Variants in PCDHGB1 observed in about 807,000 individuals in gnomAD.
PCDHGB1 encodes protocadherin gamma-B1.
PCDHGB1 carries 34 observed loss-of-function variants against 56.6 expected under a neutral mutation model. That is an observed-to-expected ratio of 0.60 (90% CI 0.46 to 0.80). The LOEUF (loss-of-function observed/expected upper bound fraction) is 0.80, where lower values mean the gene tolerates loss of function less well. PCDHGB1 is among the 30% of genes least tolerant of loss of function. PCDHGB1 has a pLI of 0.00. For missense variants in PCDHGB1, 1,278 were observed against 1,204.6 expected, an observed-to-expected ratio of 1.06 and a Z score of -0.90; for synonymous variants, 561 against 505.9, an observed-to-expected ratio of 1.11 and a Z score of -1.46.
chr5:141,417,525 C>G (rs1435259680), intron 1 of PCDHGB1: 1 of 272,692 alleles, frequency 3.7e-6, no homozygotes, highest in African/African-American at 2.2e-5. Flanking sequence ...GCTGTCAACT[C>G]GTAGTTTAAA....
rs1426255577 is a variant in PCDHGB1, at chr5:141,512,797, TG to T, written c.*1625del. 6.6e-6 allele frequency: 1 copy of T among 152,300 alleles called. No homozygotes were observed. Among genetic ancestry groups the T allele is most frequent in the African/African-American group, 2.4e-5 (1 of 41,444 alleles). The allele number at this position is 152,300 out of a possible 1,614,324, so 9.4% of individuals were successfully genotyped here. On this transcript the variant is annotated 3_prime_UTR_variant, in exon 4 of 4. Transcript: ENST00000523390. ...GCGGCCCGTGTTGTGTTTTGTGCTGTGTCCACGCGCTAAGGCGACCCCCTCC... is the reference window on the plus strand; with the variant it reads ...GCGGCCCGTGTTGTGTTTTGTGCTGTTCCACGCGCTAAGGCGACCCCCTCC...
At chr5:141,384,407 C>G (rs1198473919) in intron 1 of PCDHGB1, 1 of 1,613,956 alleles carries the variant, frequency 6.2e-7, no homozygotes, top group South Asian at 1.1e-5. Context: ...CCAGTGTCCT[C>G]CTATGTCTCC....
Position 141,465,218 on chromosome 5 carries a change from A to G in PCDHGB1, c.2410-29589A>G, listed in dbSNP as rs151158068. ...ATAAAAATATAAGCTTTATTTTTCA[A>G]CATGAGCTCCATCAAGTTCAAGGCA... On this transcript the variant is annotated intron_variant, in intron 1 of 3. Coordinates refer to ENST00000523390, the MANE Select transcript of PCDHGB1 (RefSeq NM_018922.3). Among the ~76,000 whole-genome samples, 591 of 152,288 alleles carry G rather than the reference A, an allele frequency of 3.9e-3. 6 individuals carry two copies. The highest frequency in any genetic ancestry group is 0.011 in the Admixed American group (171 of 15,290).
At chr5:141,424,245 A>T (rs1196753393) in intron 1 of PCDHGB1, 3 of 155,310 alleles carry the variant, frequency 1.9e-5, no homozygotes, top group African/African-American at 7.2e-5. Context: ...GGTGGCTGGT[A>T]ATATGCTTAG....
At chr5:141,408,396 A>G (rs764101918) in intron 1 of PCDHGB1, 18 of 1,614,020 alleles carry the variant, frequency 1.1e-5, no homozygotes, top group South Asian at 5.5e-5. Flanking sequence ...TCGGCTCGCA[A>G]GCTGCGAGTG....
rs551289441 is a variant in PCDHGB1, at chr5:141,444,102, C to T, written c.2410-50705C>T. ...TGAAAAGTCTGCTAAGGATTGGAAACCAAGAAAAGTGAAGTATCTCAACAG... is the reference window on the plus strand; with the variant it reads ...TGAAAAGTCTGCTAAGGATTGGAAATCAAGAAAAGTGAAGTATCTCAACAG... On this transcript the variant is annotated intron_variant, in intron 1 of 3. Coordinates refer to ENST00000523390, the MANE Select transcript of PCDHGB1 (RefSeq NM_018922.3). Among the ~76,000 whole-genome samples the T allele has an allele frequency of 1.5e-3, 216 of 144,128 alleles. 1 individual carries two copies. Among genetic ancestry groups the T allele is most frequent in the African/African-American group, 5.4e-3 (211 of 38,798 alleles). 94.6% of individuals were successfully genotyped at this position (144,128 alleles called of 152,430 possible).
chr5:141,355,742 A>T, intron 1 of PCDHGB1: 1 of 1,613,970 alleles, frequency 6.2e-7, no homozygotes, highest in Non-Finnish European at 8.5e-7. Flanking sequence ...TTTTCCCTGG[A>T]CGTGCAAAGT....
chr5:141,394,257 C>A (rs1256817731), intron 1 of PCDHGB1: 1 of 1,613,828 alleles, frequency 6.2e-7, no homozygotes, highest in Non-Finnish European at 8.5e-7. Flanking sequence ...CCCCGACAGC[C>A]AGGAGAATGC....
chr5:141,419,522 C>A, intron 1 of PCDHGB1: 4 of 1,612,178 alleles, frequency 2.5e-6, no homozygotes, highest in Non-Finnish European at 3.4e-6. Context: ...GGTGGGCGAC[C>A]GTAACGACAA....
intron 1 of PCDHGB1, chr5:141,408,300 T>TC: frequency 6.2e-7 from 1 of 1,613,732 alleles, no homozygotes; most frequent in South Asian, 1.1e-5. Context: ...AGTGAGCCGA[T>TC]CCGCTACTCG....
intron 1 of PCDHGB1, chr5:141,409,179 G>T (rs761754962): frequency 1.2e-5 from 20 of 1,613,988 alleles, no homozygotes; most frequent in Non-Finnish European, 1.6e-5. Context: ...GACGGAGGTG[G>T]TCTCTCTACC....
intron 2 of PCDHGB1, among the ~76,000 whole-genome samples, chr5:141,501,109 C>T (rs909874167): frequency 2.0e-5 from 3 of 152,106 alleles, no homozygotes; most frequent in South Asian, 2.1e-4. Context: ...CCTCGTGATC[C>T]GCCTGCCTCA....
intron 1 of PCDHGB1, chr5:141,399,649 G>T: frequency 1.2e-6 from 2 of 1,613,794 alleles, no homozygotes; most frequent in African/African-American, 1.3e-5. Flanking sequence ...CGCGCAAAGT[G>T]GGGTGGTGTT....
intron 1 of PCDHGB1, chr5:141,410,703 C>G (rs763776263): frequency 1.1e-5 from 16 of 1,467,494 alleles, no homozygotes; most frequent in Non-Finnish European, 9.1e-7. Flanking sequence ...ATTTTCATAT[C>G]TAGAATCATA....
rs760367783 is a variant in PCDHGB1 at position 141,394,819 on chromosome 5, C to T, written c.2409+42150C>T. The T allele has an allele frequency of 2.5e-6, 4 of 1,613,890 alleles. No individual in the cohort carries two copies. In the South Asian group the frequency reaches 4.4e-5, roughly 18 times the overall value. On this transcript the variant is annotated intron_variant, in intron 1 of 3. Transcript: ENST00000523390. ...ACCGTAGCCGTGGCTGACAGCATCCCCGAAGTCCTGACCGAGTTGGGCAGT... is the reference window on the plus strand; with the variant it reads ...ACCGTAGCCGTGGCTGACAGCATCCTCGAAGTCCTGACCGAGTTGGGCAGT...
chr5:141,398,752 C>G lies in PCDHGB1; in HGVS notation c.2409+46083C>G, dbSNP rs1196162576. On this transcript the variant is annotated intron_variant, in intron 1 of 3. Coordinates refer to ENST00000523390, the MANE Select transcript of PCDHGB1 (RefSeq NM_018922.3). ...AGACCGGGAACAACAGAGTTACCAT[C>G]GTTTAGTCCTGACTGCCTTGGACGG... is the stretch of plus-strand genomic sequence containing the variant. The G allele has an allele frequency of 7.4e-6, 12 of 1,613,482 alleles. No homozygotes were observed. In the South Asian group the frequency reaches 1.2e-4, roughly 16 times the overall value.
chr5:141,357,964 C>T (rs12386471), intron 1 of PCDHGB1, among the ~76,000 whole-genome samples: 21,408 of 152,030 alleles, frequency 0.14, 2,088 homozygotes, highest in African/African-American at 0.28. Flanking sequence ...GTGAGGAGGA[C>T]GGATTGCCTG....
At position 141,351,652 on chromosome 5, in the gene PCDHGB1, C is replaced by A. The variant is rs778580373; in HGVS notation, c.1392C>A (p.Gly464=). The change falls in exon 1 of 4, where the codon GGC becomes GGA. Residue 464 remains glycine, a synonymous_variant. Coordinates refer to ENST00000523390, the MANE Select transcript of PCDHGB1 (RefSeq NM_018922.3). ...ACGTGTCTGAGAACAACCCACCTGG[C>A]GCCTCCATTGCACAAGTAAGCGCCT... ...VVHVSENNPP[G]ASIAQVSASD... is the part of the protein sequence containing the mutation. The A allele has an allele frequency of 1.7e-4, 281 of 1,614,054 alleles. 2 individuals carry two copies. In the Admixed American group the frequency reaches 3.6e-3, roughly 21 times the overall value.
intron 1 of PCDHGB1, chr5:141,419,854 A>G: frequency 1.9e-6 from 3 of 1,614,078 alleles, no homozygotes; most frequent in Non-Finnish European, 2.5e-6. Flanking sequence ...TGGTGTTCGC[A>G]GATAGCTTGC....
Sources: allele counts gnomAD v4.1 joint callset (sites outside exome capture counted in the v4.1 genomes callset), GRCh38; gene constraint gnomAD v4.1.1; transcripts MANE v1.5; gene names NCBI Gene and HGNC (gene_info 2026-07-23, HGNC 2026-07-21).